ZDHHC11: variants seen among roughly 807,000 people sequenced by gnomAD.
The protein encoded by ZDHHC11 is palmitoyltransferase ZDHHC11.
ZDHHC11 carries 44 observed loss-of-function variants against 51.3 expected under a neutral mutation model. The ratio of observed to expected loss-of-function variants is 0.86; its 90% confidence interval spans 0.67 to 1.10. The LOEUF is 1.10. ZDHHC11 is among the 50% of genes least tolerant of loss of function. The pLI, the probability that ZDHHC11 is intolerant of heterozygous loss-of-function variation, is 0.00. For synonymous variants in ZDHHC11, 163 were observed against 222.0 expected, an observed-to-expected ratio of 0.73 and a Z score of 2.36; for missense variants, 400 against 537.7, an observed-to-expected ratio of 0.74 and a Z score of 2.53.
intron 8 of ZDHHC11, among the ~76,000 whole-genome samples, chr5:824,665 CCCA>C (rs1231566288): frequency 6.6e-6 from 1 of 151,508 alleles, no homozygotes; most frequent in Non-Finnish European, 1.5e-5. Context: ...ACCACACCCC[CCCA>C]CATATGTGCA....
rs1457473704 is a variant in ZDHHC11, at chr5:850,835, C to A, written c.-233G>T. 1.8e-5 allele frequency: 11 copies of A among 601,492 alleles called. No individual in the cohort carries two copies. The highest frequency in any genetic ancestry group is 2.9e-5 in the Non-Finnish European group (10 of 349,100). The allele number at this position is 601,492 out of a possible 1,614,324, so 37.3% of individuals were successfully genotyped here. ...ACAGACATGCTGCAGAATGTGACCC[C>A]GGCCAGAGCCGAGTGGCAACGGAAA... is the stretch of plus-strand genomic sequence containing the variant. On this transcript the variant is annotated 5_prime_UTR_variant, in exon 1 of 13. Coordinates refer to ENST00000283441, the MANE Select transcript of ZDHHC11 (RefSeq NM_024786.3).
chr5:854,092 GC>G (rs1163035623), upstream of ZDHHC11, among the ~76,000 whole-genome samples: 12 of 145,288 alleles, frequency 8.3e-5, no homozygotes, highest in East Asian at 4.3e-4. Flanking sequence ...GAGCCGGGGG[GC>G]ACAGACCCCA....
intron 3 of ZDHHC11, among the ~76,000 whole-genome samples, chr5:844,208 C>A (rs1431219148): frequency 6.6e-6 from 1 of 152,274 alleles, no homozygotes; most frequent in South Asian, 2.1e-4. Flanking sequence ...GACGCCCCCC[C>A]AGGTCTCCAG....
intron 5 of ZDHHC11, 171 bp downstream of exon 5, chr5:840,324 T>C: frequency 2.1e-6 from 2 of 967,146 alleles, no homozygotes; most frequent in East Asian, 5.1e-5. Flanking sequence ...TTGTCCATGA[T>C]CTCACTTCTG....
upstream of ZDHHC11, among the ~76,000 whole-genome samples, chr5:851,876 C>A (rs1291784032): frequency 1.3e-5 from 2 of 152,036 alleles, no homozygotes; most frequent in Admixed American, 6.5e-5. Context: ...GGCAACACGG[C>A]GAAACCCTGT....
chr5:858,235 G>A (rs1233308476), intron 1 of ZDHHC11, among the ~76,000 whole-genome samples: 3 of 149,082 alleles, frequency 2.0e-5, no homozygotes, highest in Admixed American at 6.7e-5. Context: ...TATGACACCA[G>A]ATCCCCAGAG....
At chr5:824,998 T>A (rs1742125231) in intron 8 of ZDHHC11, among the ~76,000 whole-genome samples, 166 bp downstream of exon 8, 1 of 151,440 alleles carries the variant, frequency 6.6e-6, no homozygotes, top group South Asian at 2.1e-4. Flanking sequence ...TCTCACTCCA[T>A]CTCTCTTCTG....
intron 1 of ZDHHC11, 56 bp downstream of exon 1, chr5:850,325 C>T (rs536543909): frequency 7.2e-5 from 113 of 1,569,360 alleles, no homozygotes; most frequent in Admixed American, 1.1e-4. Context: ...CCAGGTCCAT[C>T]GCAAGTTCCT....
rs202161340 is a variant in ZDHHC11 at position 837,533 on chromosome 5, C to T, written c.785-53G>A. On this transcript the variant is annotated intron_variant, in intron 5 of 12. Coordinates refer to ENST00000283441, the MANE Select transcript of ZDHHC11 (RefSeq NM_024786.3). ...AAGATACCAGCCCTGCGGCTTTGCA[C>T]GGCGCCCACAGGACAGCTCAGCAGA... 4.1e-4 allele frequency: 642 copies of T among 1,579,730 alleles called. 3 individuals carry two copies. Among genetic ancestry groups the T allele is most frequent in the Non-Finnish European group, 5.4e-4 (618 of 1,151,210 alleles).
chr5:855,366 G>C (rs1442772204), upstream of ZDHHC11, among the ~76,000 whole-genome samples: 3 of 149,726 alleles, frequency 2.0e-5, no homozygotes, highest in South Asian at 6.4e-4. Flanking sequence ...ACCCCACAGA[G>C]GACAGAGAGC....
intron 1 of ZDHHC11, among the ~76,000 whole-genome samples, chr5:856,565 G>A (rs1341700106): frequency 7.0e-6 from 1 of 141,884 alleles, no homozygotes; most frequent in Non-Finnish European, 1.5e-5. Flanking sequence ...CACCACACAT[G>A]CACCACACAC....
chr5:842,121 G>A (rs1745088652), intron 4 of ZDHHC11: 1 of 986,372 alleles, frequency 1.0e-6, no homozygotes. Context: ...AATTCACTCA[G>A]GCCACAATCA....
intron 6 of ZDHHC11, among the ~76,000 whole-genome samples, 197 bp downstream of exon 6, chr5:837,168 G>A (rs1743989288): frequency 1.3e-5 from 2 of 152,130 alleles, no homozygotes; most frequent in East Asian, 1.9e-4. Flanking sequence ...AGTCCGTGGT[G>A]CATGACTGGT....
chr5:800,446 A>T (rs1738252781), intron 12 of ZDHHC11, among the ~76,000 whole-genome samples: 1 of 150,596 alleles, frequency 6.6e-6, no homozygotes, highest in Non-Finnish European at 1.5e-5. Context: ...TTAAGGTACA[A>T]TCATGTCTCA....
rs1427681846 is a variant in ZDHHC11 at position 802,096 on chromosome 5, C to T, written c.1182-932G>A. 1.3e-4 allele frequency among the ~76,000 whole-genome samples: 19 copies of T among 151,422 alleles called. 2 individuals are homozygous for T. The highest frequency in any genetic ancestry group is 2.2e-4 in the African/African-American group (9 of 41,266). On this transcript the variant is annotated intron_variant, in intron 11 of 12. Transcript: ENST00000283441. ...TGGAAGAGACCCCCAGGAATTGCCACAGAGGAGCAGTGGATGCTCAGCTGG... is the reference window on the plus strand; with the variant it reads ...TGGAAGAGACCCCCAGGAATTGCCATAGAGGAGCAGTGGATGCTCAGCTGG...
intron 11 of ZDHHC11, among the ~76,000 whole-genome samples, chr5:802,090 T>C (rs1579525220): frequency 6.6e-6 from 1 of 151,286 alleles, no homozygotes; most frequent in Non-Finnish European, 1.5e-5. Flanking sequence ...CCCCCAGGAA[T>C]TGCCACAGAG....
At chr5:801,386 G>C (rs1738397755) in intron 11 of ZDHHC11, among the ~76,000 whole-genome samples, 1 of 151,856 alleles carries the variant, frequency 6.6e-6, no homozygotes, top group Non-Finnish European at 1.5e-5. Context: ...CTGCATGTGT[G>C]CTGATATAGA....
intron 11 of ZDHHC11, among the ~76,000 whole-genome samples, chr5:812,148 A>G (rs1163576924): frequency 1.3e-5 from 2 of 148,820 alleles, no homozygotes; most frequent in African/African-American, 5.1e-5. Context: ...AAACAGAAAA[A>G]TTATAAAAAT....
chr5:814,735 C>T (rs750236829), intron 11 of ZDHHC11, 26 bp downstream of exon 11: 7 of 1,545,344 alleles, frequency 4.5e-6, no homozygotes, highest in South Asian at 2.5e-5. Context: ...ACAGACAAAA[C>T]GTTCCCGTTA....
Sources: gnomAD v4.1 joint callset for allele counts (sites outside exome capture counted in the v4.1 genomes callset) on GRCh38, gnomAD v4.1.1 for gene constraint, MANE v1.5 for transcripts, NCBI Gene and HGNC (gene_info 2026-07-23, HGNC 2026-07-21) for gene names.